Variants in ITGA9 observed in about 807,000 individuals in gnomAD.
The protein encoded by ITGA9 is integrin subunit alpha 9.
ITGA9 carries 56 observed loss-of-function variants against 127.8 expected under a neutral mutation model. The observed-to-expected ratio is 0.44, with a 90% confidence interval of 0.35 to 0.55. ITGA9 has a LOEUF of 0.55. Ranked by LOEUF, ITGA9 falls within the 20% of genes least tolerant of loss-of-function variation. The probability of loss-of-function intolerance (pLI) is 0.00; values close to 1 mark genes in which losing one functional copy is unlikely to be tolerated. For missense variants in ITGA9, 1,196 were observed against 1,347.1 expected, an observed-to-expected ratio of 0.89 and a Z score of 1.76; for synonymous variants, 508 against 514.5, an observed-to-expected ratio of 0.99 and a Z score of 0.17.
At chr3:37,776,775 G>A (rs938312286) in intron 23 of ITGA9, among the ~76,000 whole-genome samples, 3 of 152,178 alleles carry the variant, frequency 2.0e-5, no homozygotes, top group South Asian at 2.1e-4. Context: ...GCAGGTCCCC[G>A]TCTGGCTCAG....
chr3:37,537,658 A>G (rs1041384585), intron 14 of ITGA9, among the ~76,000 whole-genome samples: 13 of 152,172 alleles, frequency 8.5e-5, no homozygotes, highest in Non-Finnish European at 1.5e-4. Flanking sequence ...TGGAGCTGGC[A>G]TTCTAGTGGG....
At chr3:37,556,242 G>A (rs1454643228) in intron 15 of ITGA9, among the ~76,000 whole-genome samples, 1 of 152,186 alleles carries the variant, frequency 6.6e-6, no homozygotes, top group Non-Finnish European at 1.5e-5. Context: ...CTGAAATGGG[G>A]AGCAGAATAC....
At chr3:37,476,152 G>T (rs1698491921) in intron 3 of ITGA9, among the ~76,000 whole-genome samples, 1 of 152,232 alleles carries the variant, frequency 6.6e-6, no homozygotes, top group African/African-American at 2.4e-5. Flanking sequence ...TGCTATAAAT[G>T]TGTACCAATA....
At chr3:37,550,837 C>T (rs1238666663) in intron 15 of ITGA9, among the ~76,000 whole-genome samples, 1 of 152,184 alleles carries the variant, frequency 6.6e-6, no homozygotes, top group Non-Finnish European at 1.5e-5. Flanking sequence ...CAAGCTCCAG[C>T]ACACAACTGA....
chr3:37,496,558 C>T (rs1383578949), intron 5 of ITGA9, among the ~76,000 whole-genome samples: 1 of 152,232 alleles, frequency 6.6e-6, no homozygotes, highest in Non-Finnish European at 1.5e-5. Flanking sequence ...CTTCTGCCGT[C>T]TTGCTTCCAC....
At chr3:37,579,460 C>T (rs144812337) in intron 15 of ITGA9, among the ~76,000 whole-genome samples, 106 of 152,272 alleles carry the variant, frequency 7.0e-4, no homozygotes, top group African/African-American at 2.5e-3. Context: ...AGAAAATTAT[C>T]TCCCAGCTAA....
At chr3:37,769,193 C>A (rs1696813764) in intron 23 of ITGA9, among the ~76,000 whole-genome samples, 1 of 151,956 alleles carries the variant, frequency 6.6e-6, no homozygotes, top group African/African-American at 2.4e-5. Context: ...ACAAAATTAG[C>A]CAGGCATGGT....
At chr3:37,696,378 T>C (rs141251904) in intron 18 of ITGA9, among the ~76,000 whole-genome samples, 1 of 152,376 alleles carries the variant, frequency 6.6e-6, no homozygotes, top group East Asian at 1.9e-4. Flanking sequence ...AATTATAAGA[T>C]GATCTTTATC....
At chr3:37,727,269 C>T (rs1054886435) in intron 18 of ITGA9, among the ~76,000 whole-genome samples, 1 of 152,182 alleles carries the variant, frequency 6.6e-6, no homozygotes, top group African/African-American at 2.4e-5. Flanking sequence ...AAGTCAGGGA[C>T]TATCTGTATG....
In ITGA9 at chr3:37,799,463, A is replaced by G. The variant is rs981287868; in HGVS notation, c.2890-4360A>G. Among the ~76,000 whole-genome samples, 1 of 152,224 alleles carries G rather than the reference A, an allele frequency of 6.6e-6. No individual in the cohort carries two copies. Among genetic ancestry groups the G allele is most frequent in the Admixed American group, 6.5e-5 (1 of 15,284 alleles). On this transcript the variant is annotated intron_variant, in intron 26 of 27. Coordinates refer to ENST00000264741, the MANE Select transcript of ITGA9 (RefSeq NM_002207.3). The surrounding 1 kb of genome is among the most constrained non-coding windows in gnomAD (Gnocchi z 4.0). ...ATGGACAAGGATGGAAGGGCATTTCAGGAGGCAAGAGCAGCCTGCAGAGAG... is the reference window on the plus strand; with the variant it reads ...ATGGACAAGGATGGAAGGGCATTTCGGGAGGCAAGAGCAGCCTGCAGAGAG...
rs534059356 is a variant in ITGA9, at chr3:37,507,010, G to T, written c.828+925G>T. ...CAGGGAGCTGACGAACTTTCCAGTT[G>T]ACTAGGCTTGACTAAGGATAATTTC... On this transcript the variant is annotated intron_variant, in intron 7 of 27. Transcript: ENST00000264741. Among the ~76,000 whole-genome samples the T allele has an allele frequency of 3.3e-5, 5 of 152,296 alleles. No homozygotes were observed. In the South Asian group the frequency reaches 1.0e-3, roughly 32 times the overall value.
At chr3:37,790,938 G>C (rs4679005) in intron 26 of ITGA9, 50,682 of 152,058 alleles carry the variant, frequency 0.33, 9,013 homozygotes, top group East Asian at 0.46. Flanking sequence ...CAGGAGAAAC[G>C]TAGTTAATCA....
intron 14 of ITGA9, among the ~76,000 whole-genome samples, chr3:37,542,175 G>A (rs998208587): frequency 1.1e-4 from 16 of 152,104 alleles, no homozygotes; most frequent in African/African-American, 3.6e-4. Context: ...TTAAATCAGG[G>A]AGAGCCGTGA....
At chr3:37,736,881 A>G (rs759633332) in intron 19 of ITGA9, 23 bp from the exon 20 acceptor site, 12 of 1,559,404 alleles carry the variant, frequency 7.7e-6, no homozygotes, top group East Asian at 2.2e-5. Context: ...GCTGATGCCA[A>G]ATACCACTTC....
chr3:37,816,583 T>G lies in ITGA9; in HGVS notation c.3010-2308T>G, dbSNP rs558745166. ...TCAGTCTTGGTCCGTTTTTCTGGCC[T>G]TCTGTGGGTGTGCTGTGGGGATGAT... On this transcript the variant is annotated intron_variant, in intron 27 of 27. Coordinates refer to ENST00000264741, the MANE Select transcript of ITGA9 (RefSeq NM_002207.3). Among the ~76,000 whole-genome samples, 19 of 152,326 alleles carry G rather than the reference T, an allele frequency of 1.2e-4. No homozygotes were observed. In the South Asian group the frequency reaches 3.7e-3, roughly 30 times the overall value.
At chr3:37,769,064 C>T (rs1266468036) in intron 23 of ITGA9, among the ~76,000 whole-genome samples, 1 of 152,060 alleles carries the variant, frequency 6.6e-6, no homozygotes, top group Non-Finnish European at 1.5e-5. Context: ...ATAGGCCAGG[C>T]GTGGTGGCTC....
rs142368351 is a variant in ITGA9 at position 37,542,139 on chromosome 3, G to T, written c.1529-286G>T. On this transcript the variant is annotated intron_variant, in intron 14 of 27. Transcript: ENST00000264741. ...TGTTAATGGGCATATTGCTGGCTCAGTTGATACCTCATGATGGCATGAGGT... is the reference window on the plus strand; with the variant it reads ...TGTTAATGGGCATATTGCTGGCTCATTTGATACCTCATGATGGCATGAGGT... 3.9e-5 allele frequency among the ~76,000 whole-genome samples: 6 copies of T among 152,274 alleles called. No individual in the cohort carries two copies. In the East Asian group the frequency reaches 9.7e-4, roughly 25 times the overall value.
chr3:37,798,153 G>A (rs1697196554), intron 26 of ITGA9, among the ~76,000 whole-genome samples: 2 of 152,132 alleles, frequency 1.3e-5, no homozygotes, highest in African/African-American at 4.8e-5. Flanking sequence ...ACCATGCCCA[G>A]CTAATTTCTG....
intron 25 of ITGA9, among the ~76,000 whole-genome samples, chr3:37,781,783 T>C (rs1183276991): frequency 1.3e-5 from 2 of 152,194 alleles, no homozygotes; most frequent in Admixed American, 6.5e-5. Flanking sequence ...AGTCATTCTG[T>C]GGTTATTTTT....
Sources: gnomAD v4.1 joint callset for allele counts (sites outside exome capture counted in the v4.1 genomes callset) on GRCh38, gnomAD v4.1.1 for gene constraint, Gnocchi (gnomAD v3.1) non-coding constraint, MANE v1.5 for transcripts, NCBI Gene and HGNC (gene_info 2026-07-23, HGNC 2026-07-21) for gene names.